Variants in TNS3 observed in about 807,000 individuals in gnomAD.
The protein encoded by TNS3 is tensin-3.
TNS3 carries 45 observed loss-of-function variants against 140.9 expected under a neutral mutation model. That is an observed-to-expected ratio of 0.32 (90% CI 0.25 to 0.41). TNS3 has a LOEUF of 0.41. Among genes scored for constraint, TNS3 ranks in the 10% least tolerant of loss-of-function variants. TNS3 has a pLI of 1.00. For synonymous variants in TNS3, 815 were observed against 788.4 expected (o/e 1.03, Z -0.56); for missense variants, 1,716 against 1,906.7 (o/e 0.90, Z 1.86).
intron 17 of TNS3, among the ~76,000 whole-genome samples, chr7:47,367,710 C>T (rs1790789579): frequency 1.3e-5 from 2 of 152,310 alleles, no homozygotes; most frequent in African/African-American, 2.4e-5. Flanking sequence ...GGGCCTGTTC[C>T]CCCAAGCCCC....
At chr7:47,374,178 G>A (rs1191790601) in intron 16 of TNS3, among the ~76,000 whole-genome samples, 3 of 152,222 alleles carry the variant, frequency 2.0e-5, no homozygotes, top group Admixed American at 6.5e-5. Flanking sequence ...ATTTGCCCAT[G>A]AAGCAGGAAG....
intron 3 of TNS3, among the ~76,000 whole-genome samples, chr7:47,484,149 A>C (rs747422491): frequency 1.3e-5 from 2 of 152,182 alleles, no homozygotes; most frequent in Non-Finnish European, 2.9e-5. Context: ...GTCTGTTTGC[A>C]CATGTGCTGT....
chr7:47,413,853 G>T, intron 12 of TNS3, 84 bp downstream of exon 12: 1 of 1,535,872 alleles, frequency 6.5e-7, no homozygotes, highest in Non-Finnish European at 8.9e-7. Flanking sequence ...CACTCTTCCT[G>T]CGGGACAGGC....
intron 20 of TNS3, among the ~76,000 whole-genome samples, chr7:47,329,691 G>A (rs1277221825): frequency 3.3e-5 from 5 of 152,166 alleles, no homozygotes; most frequent in East Asian, 1.9e-4. Context: ...CAGCGGAAGC[G>A]GATGGACTGG....
chr7:47,564,761 C>A (rs1297747031), intron 1 of TNS3, among the ~76,000 whole-genome samples: 1 of 149,930 alleles, frequency 6.7e-6, no homozygotes, highest in Non-Finnish European at 1.5e-5. Flanking sequence ...CCTGTTGGTT[C>A]TGCTTCCCTG....
rs574726165 is a variant in TNS3, at chr7:47,441,281, G to A, written c.-23+722C>T. On this transcript the variant is annotated intron_variant, in intron 5 of 30. Coordinates refer to ENST00000311160, the MANE Select transcript of TNS3 (RefSeq NM_022748.12). Reference sequence around the variant, plus strand: ...GCAGTCTCTGCCTCCTGGGTTAAAGGGATTCTCCTGCCTCAGCCTCCCGAA... The same window carrying A: ...GCAGTCTCTGCCTCCTGGGTTAAAGAGATTCTCCTGCCTCAGCCTCCCGAA... Among the ~76,000 whole-genome samples the A allele has an allele frequency of 3.3e-5, 5 of 152,166 alleles. No individual in the cohort carries two copies. The South Asian group carries it at 6.2e-4, about 19-fold the overall frequency.
chr7:47,424,193 G>A lies in TNS3; in HGVS notation c.390-9C>T, dbSNP rs1241421494. The A allele has an allele frequency of 3.1e-6, 5 of 1,593,170 alleles. No homozygotes were observed. The highest frequency in any genetic ancestry group is 1.7e-5 in the Admixed American group (1 of 58,952). ...CAAGGGCCTGGTCGGCGCTGAAGGG[G>A]AGAGAGAGAGAAAGAGAGTTAACTC... On this transcript the variant is annotated splice_polypyrimidine_tract_variant and intron_variant, in intron 9 of 30. Transcript: ENST00000311160.
Position 47,424,090 on chromosome 7 carries a change from T to C in TNS3, c.473+11A>G, listed in dbSNP as rs1205084825. 1 of 1,613,892 alleles carries C rather than the reference T, an allele frequency of 6.2e-7. No homozygotes were observed. The highest frequency in any genetic ancestry group is 8.5e-7 in the Non-Finnish European group (1 of 1,179,778). On this transcript the variant is annotated intron_variant, in intron 10 of 30. Transcript: ENST00000311160. ...CACCTCTTCACTCTGGCTTTGGGGA[T>C]CTATACATACCGTTTTTGGGAAGGC... is the stretch of plus-strand genomic sequence containing the variant.
At chr7:47,328,307 G>A (rs1359557468) in intron 20 of TNS3, among the ~76,000 whole-genome samples, 6 of 152,162 alleles carry the variant, frequency 3.9e-5, no homozygotes, top group South Asian at 2.1e-4. Context: ...GCCTCCAGAC[G>A]GCCCTGGCCC....
chr7:47,491,545 C>A (rs1309965357), intron 3 of TNS3, among the ~76,000 whole-genome samples: 1 of 152,118 alleles, frequency 6.6e-6, no homozygotes, highest in Non-Finnish European at 1.5e-5. Context: ...GAAAGGGGAC[C>A]CCACGGCCTT....
At chr7:47,328,050 T>C (rs1788121643) in intron 20 of TNS3, among the ~76,000 whole-genome samples, 2 of 152,186 alleles carry the variant, frequency 1.3e-5, no homozygotes, top group Non-Finnish European at 2.9e-5. Context: ...AGGGAACTCC[T>C]TGGGCTGTGT....
rs1458684586 is a variant in TNS3 at position 47,437,248 on chromosome 7, G to A, written c.201+15C>T. 1 of 1,543,014 alleles carries A rather than the reference G, an allele frequency of 6.5e-7. No individual in the cohort carries two copies. Among genetic ancestry groups the A allele is most frequent in the South Asian group, 1.3e-5 (1 of 79,576 alleles). On this transcript the variant is annotated intron_variant, in intron 7 of 30. Coordinates refer to ENST00000311160, the MANE Select transcript of TNS3 (RefSeq NM_022748.12). ...ATTTTACAAAATGCAGAATATAAAGGGATGAACTCTGTACCTTTGGGTTAA... is the reference window on the plus strand; with the variant it reads ...ATTTTACAAAATGCAGAATATAAAGAGATGAACTCTGTACCTTTGGGTTAA...
rs1480900248 is a variant in TNS3 at position 47,474,366 on chromosome 7, C to T, written c.-76+6737G>A. ...AACACCTCACAACACACACAAAACA[C>T]TTCACACACAACACAACACATACAC... On this transcript the variant is annotated intron_variant, in intron 4 of 30. Coordinates refer to ENST00000311160, the MANE Select transcript of TNS3 (RefSeq NM_022748.12). Among the ~76,000 whole-genome samples the T allele has an allele frequency of 2.0e-5, 3 of 150,652 alleles. 1 individual carries two copies. In the South Asian group the frequency reaches 6.4e-4, roughly 32 times the overall value.
chr7:47,427,999 CT>C (rs1192162931), intron 9 of TNS3, among the ~76,000 whole-genome samples: 1 of 152,146 alleles, frequency 6.6e-6, no homozygotes, highest in Non-Finnish European at 1.5e-5. Flanking sequence ...ACTTTTATCT[CT>C]GTTATTTTTT....
intron 20 of TNS3, among the ~76,000 whole-genome samples, chr7:47,319,546 T>A (rs1208868260): frequency 1.3e-5 from 2 of 152,068 alleles, no homozygotes; most frequent in Non-Finnish European, 2.9e-5. Flanking sequence ...TCTGCCCCCA[T>A]GGAGGGGACA....
chr7:47,553,474 G>T (rs1800114227), intron 1 of TNS3, among the ~76,000 whole-genome samples: 2 of 152,188 alleles, frequency 1.3e-5, no homozygotes, highest in African/African-American at 4.8e-5. Flanking sequence ...GAGTCCTGAA[G>T]AATTATGCAA....
At chr7:47,491,626 A>G (rs889372111) in intron 3 of TNS3, among the ~76,000 whole-genome samples, 4 of 152,172 alleles carry the variant, frequency 2.6e-5, no homozygotes, top group African/African-American at 7.2e-5. Flanking sequence ...CTCCTGAAAC[A>G]CGAACTCCAT....
At chr7:47,431,027 G>T (rs1794905820) in intron 8 of TNS3, among the ~76,000 whole-genome samples, 1 of 151,982 alleles carries the variant, frequency 6.6e-6, no homozygotes, top group African/African-American at 2.4e-5. Flanking sequence ...CTGGCCTCAA[G>T]TATCATTTCT....
intron 28 of TNS3, 72 bp from the exon 29 acceptor site, chr7:47,280,426 G>A (rs1308758666): frequency 1.6e-5 from 22 of 1,366,506 alleles, no homozygotes; most frequent in Non-Finnish European, 2.0e-5. Context: ...TGCACTGGGC[G>A]GGCTCTCCCA....
Sources: gnomAD v4.1 joint callset for allele counts (sites outside exome capture counted in the v4.1 genomes callset) on GRCh38, gnomAD v4.1.1 for gene constraint, MANE v1.5 for transcripts, NCBI Gene and HGNC (gene_info 2026-07-23, HGNC 2026-07-21) for gene names.